Variants in PDE4D observed in about 807,000 individuals in gnomAD.
PDE4D encodes the protein phosphodiesterase 4D, also known as 3',5'-cyclic-AMP phosphodiesterase 4D.
In PDE4D, 24 loss-of-function variants were observed where a neutral mutation model predicts 87.4. The observed-to-expected ratio is 0.27, with a 90% CI of 0.20 to 0.39. PDE4D has a LOEUF of 0.39. Ranked by LOEUF, PDE4D falls within the 10% of genes least tolerant of loss-of-function variation. The pLI, the probability that PDE4D is intolerant of heterozygous loss-of-function variation, is 1.00. For synonymous variants in PDE4D, 384 were observed against 383.2 expected, an observed-to-expected ratio of 1.00 and a Z score of -0.02; for missense variants, 714 against 1,041.0, an observed-to-expected ratio of 0.69 and a Z score of 4.32.
At chr5:59,153,306 T>G (rs945131126) in intron 5 of PDE4D, among the ~76,000 whole-genome samples, 2 of 152,172 alleles carry the variant, frequency 1.3e-5, no homozygotes, top group African/African-American at 2.4e-5. Flanking sequence ...CCAAAAGAAA[T>G]GTTGTCCTTT....
chr5:59,819,905 G>C (rs1769437115), intron 1 of PDE4D, among the ~76,000 whole-genome samples: 1 of 152,214 alleles, frequency 6.6e-6, no homozygotes, highest in Non-Finnish European at 1.5e-5. Context: ...AGAGACAACA[G>C]AGGCGTTTTG....
At chr5:59,701,304 C>A (rs1436822565) in intron 1 of PDE4D, among the ~76,000 whole-genome samples, 2 of 152,162 alleles carry the variant, frequency 1.3e-5, no homozygotes, top group Admixed American at 6.5e-5. Flanking sequence ...GTGCTAATCA[C>A]GGCACTCACT....
intron 3 of PDE4D, among the ~76,000 whole-genome samples, chr5:59,949,046 C>G (rs1292700704): frequency 6.6e-6 from 1 of 152,162 alleles, no homozygotes; most frequent in African/African-American, 2.4e-5. Flanking sequence ...AGGACTCAAC[C>G]TTGTATTCTG....
chr5:60,510,715 A>G (rs1750532661), intron 1 of PDE4D, among the ~76,000 whole-genome samples: 1 of 152,226 alleles, frequency 6.6e-6, no homozygotes, highest in South Asian at 2.1e-4. Context: ...GAATGTGTGA[A>G]TGATGATGGC....
At chr5:59,882,361 T>C (rs1370176233) in intron 1 of PDE4D, among the ~76,000 whole-genome samples, 1 of 152,174 alleles carries the variant, frequency 6.6e-6, no homozygotes, top group Non-Finnish European at 1.5e-5. Flanking sequence ...TGAGTGGTAG[T>C]AAAATAAAAA....
At chr5:59,864,682 C>T (rs1235977405) in intron 1 of PDE4D, among the ~76,000 whole-genome samples, 1 of 152,150 alleles carries the variant, frequency 6.6e-6, no homozygotes, top group African/African-American at 2.4e-5. Flanking sequence ...GTGTTATTTC[C>T]TGTGTAGCTC....
rs532234071 is a variant in PDE4D at position 59,878,018 on chromosome 5, G to T, written c.455+15150C>A. ...AAATAATTAAGATTAGAAAACCAAAGCTGGAAAGGCTGGTGTAGTAGCTTC... is the reference window on the plus strand; with the variant it reads ...AAATAATTAAGATTAGAAAACCAAATCTGGAAAGGCTGGTGTAGTAGCTTC... On this transcript the variant is annotated intron_variant, in intron 1 of 14. Transcript: ENST00000340635. Among the ~76,000 whole-genome samples, 34 of 152,214 alleles carry T rather than the reference G, an allele frequency of 2.2e-4. 1 individual carries two copies. The highest frequency in any genetic ancestry group is 1.0e-3 in the South Asian group (5 of 4,816).
At chr5:59,182,930 C>T (rs952624019) in intron 4 of PDE4D, among the ~76,000 whole-genome samples, 3 of 152,198 alleles carry the variant, frequency 2.0e-5, no homozygotes, top group African/African-American at 7.2e-5. Context: ...GGAATGCATT[C>T]TTCCTAGACT....
intron 1 of PDE4D, among the ~76,000 whole-genome samples, chr5:60,283,323 T>A (rs1247439895): frequency 6.6e-6 from 1 of 152,112 alleles, no homozygotes; most frequent in Non-Finnish European, 1.5e-5. Context: ...ATAGTTGACT[T>A]CAAAAAATTC....
chr5:59,697,543 T>C (rs997838681), intron 1 of PDE4D, among the ~76,000 whole-genome samples: 2 of 152,204 alleles, frequency 1.3e-5, no homozygotes, highest in Non-Finnish European at 2.9e-5. Flanking sequence ...ACCATCTCAT[T>C]TACTCTTCAA....
upstream of PDE4D, among the ~76,000 whole-genome samples, chr5:59,898,161 T>C (rs541580337): frequency 4.9e-4 from 74 of 152,340 alleles, no homozygotes; most frequent in African/African-American, 1.7e-3. Context: ...ACTAGCACAC[T>C]AATGCAAATT....
At chr5:59,674,270 C>T (rs373875977) in intron 1 of PDE4D, among the ~76,000 whole-genome samples, 66 of 152,076 alleles carry the variant, frequency 4.3e-4, no homozygotes, top group African/African-American at 1.6e-3. Flanking sequence ...AATAGATGCC[C>T]ACTCTGTCCC....
intron 2 of PDE4D, among the ~76,000 whole-genome samples, chr5:60,105,575 T>C (rs1183263070): frequency 6.6e-6 from 1 of 151,756 alleles, no homozygotes; most frequent in African/African-American, 2.4e-5. Context: ...TTCACCAAAG[T>C]TGAAATGAAG....
intron 5 of PDE4D, among the ~76,000 whole-genome samples, chr5:59,101,200 G>A (rs765176603): frequency 1.3e-5 from 2 of 152,094 alleles, no homozygotes; most frequent in Admixed American, 6.5e-5. Flanking sequence ...TCTAGGGCCC[G>A]CCGTATCAGC....
At chr5:59,586,366 C>A in intron 1 of PDE4D, 1 of 1,612,840 alleles carries the variant, frequency 6.2e-7, no homozygotes, top group Middle Eastern at 1.7e-4. Flanking sequence ...AAATTATTCA[C>A]GTGCATCATG....
chr5:59,965,868 AG>A (rs906675966), intron 3 of PDE4D, among the ~76,000 whole-genome samples: 3 of 152,188 alleles, frequency 2.0e-5, no homozygotes, highest in Admixed American at 6.6e-5. Context: ...GCAAGCTCCA[AG>A]AAACCTTCAT....
intron 1 of PDE4D, among the ~76,000 whole-genome samples, chr5:60,514,266 A>C (rs919566305): frequency 6.6e-6 from 1 of 152,078 alleles, no homozygotes; most frequent in Non-Finnish European, 1.5e-5. Context: ...TCTGCCAAAC[A>C]GATAAGGAAG....
intron 1 of PDE4D, among the ~76,000 whole-genome samples, chr5:59,397,897 A>T (rs1183451538): frequency 8.2e-6 from 1 of 122,398 alleles, no homozygotes; most frequent in African/African-American, 3.3e-5. Context: ...GATAAAGGGG[A>T]TATCACCAAC....
intron 3 of PDE4D, among the ~76,000 whole-genome samples, chr5:59,950,928 G>A (rs1581877381): frequency 6.6e-6 from 1 of 151,962 alleles, no homozygotes; most frequent in East Asian, 1.9e-4. Flanking sequence ...AAACATTTAT[G>A]CCAATGGCAT....
Sources: allele counts gnomAD v4.1 joint callset (sites outside exome capture counted in the v4.1 genomes callset), GRCh38; gene constraint gnomAD v4.1.1; transcripts MANE v1.5; gene names NCBI Gene and HGNC (gene_info 2026-07-23, HGNC 2026-07-21).